EEF2K: variants seen among roughly 807,000 people sequenced by gnomAD.
EEF2K encodes the protein eukaryotic elongation factor 2 kinase.
A neutral mutation model predicts 93.8 loss-of-function variants in EEF2K; 70 were observed. The ratio of observed to expected loss-of-function variants is 0.75; its 90% CI spans 0.62 to 0.91. The LOEUF is 0.91. Among genes scored for constraint, EEF2K ranks in the 40% least tolerant of loss-of-function variants. The probability of loss-of-function intolerance (pLI) is 0.00; values close to 1 mark genes in which losing one functional copy is unlikely to be tolerated. For synonymous variants in EEF2K, 376 were observed against 380.8 expected (o/e 0.99, Z 0.15); for missense variants, 935 against 972.9 (o/e 0.96, Z 0.52).
intron 4 of EEF2K, among the ~76,000 whole-genome samples, chr16:22,249,190 C>T (rs906747554): frequency 2.7e-5 from 4 of 150,588 alleles, no homozygotes; most frequent in African/African-American, 4.9e-5. Context: ...AGGCTGGTCT[C>T]AAACTCCTGG....
intron 1 of EEF2K, among the ~76,000 whole-genome samples, chr16:22,214,691 GAAAC>G (rs1227182314): frequency 6.6e-6 from 1 of 152,006 alleles, no homozygotes; most frequent in African/African-American, 2.4e-5. Context: ...AAACCCAAAA[GAAAC>G]AAACAAGGAA....
Position 22,287,988 on chromosome 16 carries a change from AT to A in EEF2K, c.*4011del, listed in dbSNP as rs57315187. 0.6 allele frequency: 74,376 copies of A among 124,406 alleles called. 22,893 individuals carry two copies. The highest frequency in any genetic ancestry group is 0.73 in the Non-Finnish European group (40,892 of 55,886). 7.7% of individuals were successfully genotyped at this position (124,406 alleles called of 1,614,324 possible). Reference sequence around the variant, plus strand: ...AGATGTGCACCATCACATCTGGCTAATTTTTTTTTTTTTTTTTTTGAGGTGG... The same window carrying A: ...AGATGTGCACCATCACATCTGGCTAATTTTTTTTTTTTTTTTTTGAGGTGG... On this transcript the variant is annotated 3_prime_UTR_variant, in exon 18 of 18. Coordinates refer to ENST00000263026, the MANE Select transcript of EEF2K (RefSeq NM_013302.5).
At chr16:22,231,663 C>T (rs1351332241) in intron 2 of EEF2K, among the ~76,000 whole-genome samples, 2 of 151,984 alleles carry the variant, frequency 1.3e-5, no homozygotes, top group Non-Finnish European at 2.9e-5. Context: ...ACTTCCTCTT[C>T]CTCAAATACA....
At chr16:22,274,284 T>C (rs778060249) in intron 16 of EEF2K, among the ~76,000 whole-genome samples, 1 of 151,402 alleles carries the variant, frequency 6.6e-6, no homozygotes, top group South Asian at 2.1e-4. Context: ...CTACTAAAAA[T>C]ACAAAAAAAG....
At chr16:22,240,791 A>G (rs2047214109) in intron 2 of EEF2K, among the ~76,000 whole-genome samples, 1 of 151,964 alleles carries the variant, frequency 6.6e-6, no homozygotes, top group African/African-American at 2.4e-5. Context: ...TTTTTTTGAG[A>G]TGGAGTCTCA....
rs147789332 is a variant in EEF2K, at chr16:22,229,261, G to T, written c.246+3286G>T. On this transcript the variant is annotated intron_variant, in intron 2 of 17. Transcript: ENST00000263026. ...CACCCCTGCATATGCGTGTATGTGGGTACAGAGACATATGTGCAATGTGAT... is the reference window on the plus strand; with the variant it reads ...CACCCCTGCATATGCGTGTATGTGGTTACAGAGACATATGTGCAATGTGAT... Among the ~76,000 whole-genome samples, 196 of 152,290 alleles carry T rather than the reference G, an allele frequency of 1.3e-3. 1 individual carries two copies. Among genetic ancestry groups the T allele is most frequent in the African/African-American group, 3.8e-3 (159 of 41,564 alleles).
intron 2 of EEF2K, among the ~76,000 whole-genome samples, chr16:22,235,467 AT>A (rs2047158903): frequency 6.6e-6 from 1 of 152,046 alleles, no homozygotes; most frequent in South Asian, 2.1e-4. Context: ...TTCTTTAAGC[AT>A]TGCCTCTTGT....
intron 16 of EEF2K, among the ~76,000 whole-genome samples, chr16:22,278,004 A>G (rs944850342): frequency 2.6e-5 from 4 of 152,150 alleles, no homozygotes; most frequent in African/African-American, 9.7e-5. Context: ...CAGGAGTTCA[A>G]GACCAGCTTG....
intron 4 of EEF2K, among the ~76,000 whole-genome samples, chr16:22,250,233 C>CA (rs1798054437): frequency 6.6e-6 from 1 of 152,164 alleles, no homozygotes; most frequent in Non-Finnish European, 1.5e-5. Context: ...TTTTGGTCAA[C>CA]ATTTTGCATT....
chr16:22,229,447 G>A (rs562935679), intron 2 of EEF2K, among the ~76,000 whole-genome samples: 2 of 152,194 alleles, frequency 1.3e-5, no homozygotes, highest in Non-Finnish European at 2.9e-5. Context: ...GGGCGCGGTG[G>A]CTCACGCCTG....
At position 22,284,946 on chromosome 16, in the gene EEF2K, A is replaced by G. The variant is rs899480273; in HGVS notation, c.*950A>G. ...GGCTGTTTTTTAAACTTCTAGTTCA[A>G]TTTCCTTCCATAATGCTACTGATTT... On this transcript the variant is annotated 3_prime_UTR_variant, in exon 18 of 18. Transcript: ENST00000263026. 2.0e-5 allele frequency: 3 copies of G among 152,414 alleles called. No individual in the cohort carries two copies. The highest frequency in any genetic ancestry group is 3.9e-4 in the East Asian group (2 of 5,164). The allele number at this position is 152,414 out of a possible 1,614,324, so 9.4% of individuals were successfully genotyped here. A position where few individuals can be genotyped will look rare whatever the true frequency, so the allele number is the denominator to read the frequency against.
At chr16:22,209,722 G>A (rs2046897072) in intron 1 of EEF2K, among the ~76,000 whole-genome samples, 1 of 152,230 alleles carries the variant, frequency 6.6e-6, no homozygotes, top group Non-Finnish European at 1.5e-5. Flanking sequence ...GGATGAAAGC[G>A]GCTTGGGCCT....
rs573936951 is a variant in EEF2K, at chr16:22,230,168, T to A, written c.246+4193T>A. ...GGCTGATTTAAATTACAGGCATTGG[T>A]TCTCACAGAATGCTGTGTTTACGTT... On this transcript the variant is annotated intron_variant, in intron 2 of 17. Coordinates refer to ENST00000263026, the MANE Select transcript of EEF2K (RefSeq NM_013302.5). 3.3e-5 allele frequency among the ~76,000 whole-genome samples: 5 copies of A among 152,270 alleles called. No homozygotes were observed. In the East Asian group the frequency reaches 9.6e-4, roughly 29 times the overall value.
In EEF2K at chr16:22,256,205, C is replaced by A. The variant is rs551204023; in HGVS notation, c.619-543C>A. The stretch of plus-strand genomic sequence containing the variant: ...CTCTGCCTCCCAGGTTCAAGTGATT[C>A]TCCTGCCTCAGCCTCCAGAGTAGCT... On this transcript the variant is annotated intron_variant, in intron 6 of 17. Transcript: ENST00000263026. Among the ~76,000 whole-genome samples the A allele has an allele frequency of 8.5e-5, 13 of 152,240 alleles. No homozygotes were observed. In the East Asian group the frequency reaches 2.3e-3, roughly 27 times the overall value.
chr16:22,244,512 C>T (rs1367082566), intron 2 of EEF2K, 118 bp from the exon 3 acceptor site: 2 of 925,974 alleles, frequency 2.2e-6, no homozygotes, highest in Non-Finnish European at 3.4e-6. Context: ...AGGAGTCTCT[C>T]TCTGTCCTGA....
intron 1 of EEF2K, among the ~76,000 whole-genome samples, chr16:22,224,567 G>T (rs925014304): frequency 1.3e-5 from 2 of 151,934 alleles, no homozygotes; most frequent in Admixed American, 1.3e-4. Flanking sequence ...GTGAGGTCAA[G>T]CAGTGACCTA....
At chr16:22,211,952 G>A (rs2046918511) in intron 1 of EEF2K, among the ~76,000 whole-genome samples, 1 of 150,898 alleles carries the variant, frequency 6.6e-6, no homozygotes, top group African/African-American at 2.4e-5. Context: ...ACATGGTCTG[G>A]CCACCGAGAG....
chr16:22,248,285 G>A (rs1306327211), intron 3 of EEF2K, among the ~76,000 whole-genome samples: 4 of 151,978 alleles, frequency 2.6e-5, no homozygotes, highest in East Asian at 1.9e-4. Context: ...GGCTGATCTC[G>A]AACTCCTGAC....
At chr16:22,279,646 G>A (rs2047673855) in intron 16 of EEF2K, among the ~76,000 whole-genome samples, 1 of 151,678 alleles carries the variant, frequency 6.6e-6, no homozygotes, top group African/African-American at 2.4e-5. Flanking sequence ...TTGTGTTTTT[G>A]TTTTTTTGTA....
Sources: allele counts gnomAD v4.1 joint callset (sites outside exome capture counted in the v4.1 genomes callset), GRCh38; gene constraint gnomAD v4.1.1; transcripts MANE v1.5; gene names NCBI Gene and HGNC (gene_info 2026-07-23, HGNC 2026-07-21).